Variants in KIRREL3 observed in about 807,000 individuals in gnomAD.
KIRREL3 encodes kin of IRRE-like protein 3.
In KIRREL3, 36 loss-of-function variants were observed where a neutral mutation model predicts 89.7. That is an observed-to-expected ratio of 0.40 (90% CI 0.31 to 0.53). The LOEUF (loss-of-function observed/expected upper bound fraction) is 0.53. Ranked by LOEUF, KIRREL3 falls within the 20% of genes least tolerant of loss-of-function variation. The probability of loss-of-function intolerance (pLI) is 0.49; values close to 1 mark genes in which losing one functional copy is unlikely to be tolerated. For synonymous variants in KIRREL3, 445 were observed against 441.4 expected (o/e 1.01, Z -0.10); for missense variants, 864 against 1,056.6 (o/e 0.82, Z 2.53).
intron 2 of KIRREL3, among the ~76,000 whole-genome samples, chr11:126,536,686 C>G (rs1486616737): frequency 4.5e-5 from 6 of 134,730 alleles, no homozygotes. Context: ...TTCTGTCGCC[C>G]AGGCTAAAGT....
At position 126,463,077 on chromosome 11, in the gene KIRREL3, G is replaced by A. The variant is rs370289252; in HGVS notation, c.742+80C>T. 50 of 1,401,542 alleles carry A rather than the reference G, an allele frequency of 3.6e-5. No homozygotes were observed. In the African/African-American group the frequency reaches 5.9e-4, roughly 17 times the overall value. The allele number at this position is 1,401,542 out of a possible 1,614,324, so 86.8% of individuals were successfully genotyped here. ...CTGACCCATTTCCTGCTATCAGATGGGCCAGGCTATGGTCAGGGTTGCTGG... is the reference window on the plus strand; with the variant it reads ...CTGACCCATTTCCTGCTATCAGATGAGCCAGGCTATGGTCAGGGTTGCTGG... On this transcript the variant is annotated intron_variant, in intron 6 of 16. Transcript: ENST00000525144. The surrounding 1 kb of genome is among the most constrained non-coding windows in gnomAD (Gnocchi z 5.9).
At chr11:126,911,982 C>A (rs78977598) in intron 1 of KIRREL3, among the ~76,000 whole-genome samples, 143 of 91,648 alleles carry the variant, frequency 1.6e-3, no homozygotes, top group South Asian at 3.5e-3. Context: ...GACTCTGTCT[C>A]AAAAAAAAAA....
intron 9 of KIRREL3, among the ~76,000 whole-genome samples, chr11:126,445,601 G>A (rs1217686131): frequency 6.6e-6 from 1 of 152,218 alleles, no homozygotes; most frequent in Non-Finnish European, 1.5e-5. Flanking sequence ...TCTGGCATGA[G>A]CTTGGTCTGC....
At position 126,953,021 on chromosome 11, in the gene KIRREL3, G is replaced by A. The variant is rs1277486584; in HGVS notation, c.55+47434C>T. Among the ~76,000 whole-genome samples the A allele has an allele frequency of 6.6e-6, 1 of 152,140 alleles. No individual in the cohort carries two copies. The highest frequency in any genetic ancestry group is 6.5e-5 in the Admixed American group (1 of 15,276). ...GGATTATAAATCATTCTACTATGAA[G>A]ACACATGCACATGTATGTTTATTGC... On this transcript the variant is annotated intron_variant, in intron 1 of 16. Transcript: ENST00000525144. The surrounding 1 kb of genome is among the most constrained non-coding windows in gnomAD (Gnocchi z 5.2).
intron 1 of KIRREL3, among the ~76,000 whole-genome samples, chr11:126,589,346 G>A (rs4937155): frequency 6.6e-6 from 1 of 152,062 alleles, no homozygotes; most frequent in Non-Finnish European, 1.5e-5. Context: ...ACTCTTCCTG[G>A]ATGGGGGCAC....
chr11:126,538,882 C>T (rs182661104), intron 2 of KIRREL3, among the ~76,000 whole-genome samples: 1 of 152,276 alleles, frequency 6.6e-6, no homozygotes, highest in East Asian at 1.9e-4. Flanking sequence ...AAAAGCTCTA[C>T]ACCATAAGCG....
chr11:126,425,973 G>A (rs550994477), intron 15 of KIRREL3, among the ~76,000 whole-genome samples: 56 of 152,322 alleles, frequency 3.7e-4, no homozygotes, highest in Admixed American at 6.5e-4. Flanking sequence ...GCAGGTATCC[G>A]AGGCCATACT....
rs1006972415 is a variant in KIRREL3, at chr11:126,997,587, T to C, written c.55+2868A>G. Reference sequence around the variant, plus strand: ...CCATATTACTGATATTAATTATACATTGATTTCTGTTCTCTGTCTCTCTAA... The same window carrying C: ...CCATATTACTGATATTAATTATACACTGATTTCTGTTCTCTGTCTCTCTAA... On this transcript the variant is annotated intron_variant, in intron 1 of 16. Transcript: ENST00000525144. The surrounding 1 kb of genome is among the most constrained non-coding windows in gnomAD (Gnocchi z 4.3). 1.3e-4 allele frequency among the ~76,000 whole-genome samples: 20 copies of C among 152,228 alleles called. No individual in the cohort carries two copies. Among genetic ancestry groups the C allele is most frequent in the African/African-American group, 4.8e-4 (20 of 41,462 alleles).
intron 1 of KIRREL3, among the ~76,000 whole-genome samples, chr11:126,701,742 C>T (rs1565661473): frequency 1.3e-5 from 2 of 152,038 alleles, no homozygotes; most frequent in South Asian, 4.2e-4. Flanking sequence ...TGGAGCCACT[C>T]CCAGCCTGGG....
At chr11:126,967,936 G>T (rs757658144) in intron 1 of KIRREL3, among the ~76,000 whole-genome samples, 4 of 152,112 alleles carry the variant, frequency 2.6e-5, no homozygotes, top group Non-Finnish European at 4.4e-5. Context: ...GAGAAATCTT[G>T]TCAGATTTAT....
At chr11:126,425,242 A>T (rs1954896346) in intron 16 of KIRREL3, among the ~76,000 whole-genome samples, 1 of 152,048 alleles carries the variant, frequency 6.6e-6, no homozygotes, top group Non-Finnish European at 1.5e-5. Flanking sequence ...GGGACTGCGG[A>T]CCCCAGGAGG....
In KIRREL3 at chr11:126,814,308, G is replaced by A. The variant is rs1423426457; in HGVS notation, c.55+186147C>T. On this transcript the variant is annotated intron_variant, in intron 1 of 16. Transcript: ENST00000525144. The surrounding 1 kb of genome is among the most constrained non-coding windows in gnomAD (Gnocchi z 4.4). ...GGAGAAAAAGGAATGCTTTTACACT[G>A]TTGGTGGGAGTGTAAATTAGTTCAA... Among the ~76,000 whole-genome samples the A allele has an allele frequency of 6.6e-6, 1 of 152,130 alleles. No individual in the cohort carries two copies. The highest frequency in any genetic ancestry group is 2.4e-5 in the African/African-American group (1 of 41,428).
rs900215654 is a variant in KIRREL3, at chr11:126,519,848, G to A, written c.433+1467C>T. Among the ~76,000 whole-genome samples the A allele has an allele frequency of 1.3e-4, 20 of 152,150 alleles. No homozygotes were observed. The highest frequency in any genetic ancestry group is 2.4e-4 in the Non-Finnish European group (16 of 68,044). On this transcript the variant is annotated intron_variant, in intron 4 of 16. Coordinates refer to ENST00000525144, the MANE Select transcript of KIRREL3 (RefSeq NM_032531.4). This position sits in a 1 kb window ranked among gnomAD's most constrained non-coding sequence, Gnocchi z 4.3. The stretch of plus-strand genomic sequence containing the variant: ...CAGACTCATTCTCATTTTAGTCACC[G>A]TCTTGGGAGAAATGAGAACGGCGCT...
At position 126,876,125 on chromosome 11, in the gene KIRREL3, C is replaced by T. The variant is rs898330075; in HGVS notation, c.55+124330G>A. 1.3e-5 allele frequency among the ~76,000 whole-genome samples: 2 copies of T among 152,166 alleles called. No homozygotes were observed. Among genetic ancestry groups the T allele is most frequent in the South Asian group, 4.1e-4 (2 of 4,830 alleles). ...AAAGGGCAGCCGTCTTCTACTAGCT[C>T]TTCAGAACTTTCTGGCCCCAATACT... On this transcript the variant is annotated intron_variant, in intron 1 of 16. Coordinates refer to ENST00000525144, the MANE Select transcript of KIRREL3 (RefSeq NM_032531.4). This position sits in a 1 kb window ranked among gnomAD's most constrained non-coding sequence, Gnocchi z 4.1.
rs1938387530 is a variant in KIRREL3, at chr11:126,541,829, CTG to C, written c.134-15144_134-15143del. The stretch of plus-strand genomic sequence containing the variant: ...TCACTGGGTGGCCTTGATTAAGTGG[CTG>C]TCTCTCTCTCGGGGTGCGCATTGAT... On this transcript the variant is annotated intron_variant, in intron 2 of 16. Transcript: ENST00000525144. This position sits in a 1 kb window ranked among gnomAD's most constrained non-coding sequence, Gnocchi z 4.8. 6.6e-6 allele frequency among the ~76,000 whole-genome samples: 1 copy of C among 152,048 alleles called. No individual in the cohort carries two copies. The highest frequency in any genetic ancestry group is 6.5e-5 in the Admixed American group (1 of 15,274).
intron 1 of KIRREL3, among the ~76,000 whole-genome samples, chr11:126,619,619 A>G (rs1393904461): frequency 1.3e-5 from 2 of 152,248 alleles, no homozygotes; most frequent in Non-Finnish European, 2.9e-5. Context: ...ATTAATGAGA[A>G]TTACAAACCA....
At chr11:126,827,543 C>T (rs766460576) in intron 1 of KIRREL3, among the ~76,000 whole-genome samples, 14 of 152,232 alleles carry the variant, frequency 9.2e-5, no homozygotes, top group Middle Eastern at 3.4e-3. Flanking sequence ...AATATTGCCT[C>T]TTCTAGGGGT....
intron 5 of KIRREL3, among the ~76,000 whole-genome samples, chr11:126,469,425 G>T (rs1030211078): frequency 2.0e-5 from 3 of 152,142 alleles, no homozygotes; most frequent in Non-Finnish European, 4.4e-5. Context: ...GCCTATGGCA[G>T]GGCTCCTTGC....
At chr11:126,505,457 G>C (rs1957990384) in intron 4 of KIRREL3, among the ~76,000 whole-genome samples, 1 of 152,126 alleles carries the variant, frequency 6.6e-6, no homozygotes, top group Non-Finnish European at 1.5e-5. Flanking sequence ...TGTAATCCCA[G>C]CTACTCAGGA....
Sources: gnomAD v4.1 joint callset for allele counts (sites outside exome capture counted in the v4.1 genomes callset) on GRCh38, gnomAD v4.1.1 for gene constraint, Gnocchi (gnomAD v3.1) non-coding constraint, MANE v1.5 for transcripts, NCBI Gene and HGNC (gene_info 2026-07-23, HGNC 2026-07-21) for gene names.